Variants in SLC39A14 observed in about 807,000 individuals in gnomAD.
SLC39A14 encodes the protein metal cation symporter ZIP14.
SLC39A14 carries 19 observed loss-of-function variants against 45.5 expected under a neutral mutation model. That is an observed-to-expected ratio of 0.42 (90% CI 0.29 to 0.61). The LOEUF (loss-of-function observed/expected upper bound fraction) is 0.61, where lower values mean the gene tolerates loss of function less well. Among genes scored for constraint, SLC39A14 ranks in the 20% least tolerant of loss-of-function variants. SLC39A14 has a pLI of 0.22. For synonymous variants in SLC39A14, 264 were observed against 251.3 expected (o/e 1.05, Z -0.48); for missense variants, 447 against 616.5 (o/e 0.73, Z 2.91).
chr8:22,429,430 C>A (rs567152957), intron 8 of SLC39A14, among the ~76,000 whole-genome samples: 8 of 152,078 alleles, frequency 5.3e-5, no homozygotes, highest in Non-Finnish European at 1.2e-4. Context: ...TACTGCCTAC[C>A]TTATAAGGTA....
intron 1 of SLC39A14, among the ~76,000 whole-genome samples, chr8:22,399,110 C>G (rs1834692404): frequency 6.6e-6 from 1 of 152,164 alleles, no homozygotes; most frequent in Admixed American, 6.5e-5. Flanking sequence ...GAAAGGTGTC[C>G]ATCCTTACTT....
intron 1 of SLC39A14, among the ~76,000 whole-genome samples, chr8:22,383,229 TG>T (rs1833611399): frequency 6.6e-6 from 1 of 152,182 alleles, no homozygotes; most frequent in African/African-American, 2.4e-5. Context: ...CAGCCAATTT[TG>T]TCCCTGCATC....
rs1046443409 is a variant in SLC39A14, at chr8:22,397,276, T to A, written c.-15-7420T>A. On this transcript the variant is annotated intron_variant, in intron 1 of 8. Transcript: ENST00000381237. ...AAGAGAAGTAGCCCTTGATTTTTTT[T>A]ATTCCTTAAGACCTCCTCCTGGCCG... 2.6e-5 allele frequency among the ~76,000 whole-genome samples: 4 copies of A among 152,254 alleles called. 1 individual carries two copies. In the South Asian group the frequency reaches 8.3e-4, roughly 32 times the overall value.
intron 8 of SLC39A14, among the ~76,000 whole-genome samples, chr8:22,431,338 T>C (rs1016232249): frequency 9.2e-5 from 14 of 152,256 alleles, no homozygotes; most frequent in African/African-American, 2.7e-4. Context: ...AATATACCTT[T>C]TGTTTTGTGT....
intron 1 of SLC39A14, among the ~76,000 whole-genome samples, chr8:22,368,847 C>G (rs1269934032): frequency 6.6e-6 from 1 of 152,110 alleles, no homozygotes; most frequent in East Asian, 1.9e-4. Context: ...ATCCTTACCT[C>G]TTAAAACCTA....
chr8:22,384,487 C>A (rs898836508), intron 1 of SLC39A14, among the ~76,000 whole-genome samples: 1 of 151,404 alleles, frequency 6.6e-6, no homozygotes, highest in Non-Finnish European at 1.5e-5. Flanking sequence ...GTGGCTGACA[C>A]CTGTAATCCC....
Position 22,371,913 on chromosome 8 carries a change from T to C in SLC39A14, c.-16+4505T>C, listed in dbSNP as rs565865212. 1.8e-4 allele frequency among the ~76,000 whole-genome samples: 27 copies of C among 151,342 alleles called. No individual in the cohort carries two copies. In the East Asian group the frequency reaches 3.9e-3, roughly 22 times the overall value. ...GCGCCCGCCACCACGCCTGGCTAAT[T>C]TTTGTATTTTTAGTAGAGACGAGGT... is the stretch of plus-strand genomic sequence containing the variant. On this transcript the variant is annotated intron_variant, in intron 1 of 8. Transcript: ENST00000381237.
rs184192516 is a variant in SLC39A14, at chr8:22,403,201, C to A, written c.-15-1495C>A. Reference sequence around the variant, plus strand: ...CTGTGTTAGCCAGGATGGTCTCGATCTCCTGACCTCGTGACCTGCCTGCCT... The same window carrying A: ...CTGTGTTAGCCAGGATGGTCTCGATATCCTGACCTCGTGACCTGCCTGCCT... On this transcript the variant is annotated intron_variant, in intron 1 of 8. Coordinates refer to ENST00000381237, the MANE Select transcript of SLC39A14 (RefSeq NM_001128431.4). Among the ~76,000 whole-genome samples the A allele has an allele frequency of 5.4e-4, 82 of 152,276 alleles. 1 individual carries two copies. The East Asian group carries it at 0.015, about 28-fold the overall frequency.
chr8:22,414,259 T>C (rs181853676), intron 4 of SLC39A14, among the ~76,000 whole-genome samples: 1 of 152,306 alleles, frequency 6.6e-6, no homozygotes, highest in East Asian at 1.9e-4. Context: ...ACTTTCTTGG[T>C]TCTGTGGTCA....
At chr8:22,412,796 T>C (rs149273586) in intron 4 of SLC39A14, among the ~76,000 whole-genome samples, 44 of 152,124 alleles carry the variant, frequency 2.9e-4, no homozygotes, top group African/African-American at 1.0e-3. Context: ...ACACAAAAAT[T>C]AGCCAGACGT....
At chr8:22,370,644 G>T (rs7842873) in intron 1 of SLC39A14, among the ~76,000 whole-genome samples, 2,359 of 152,304 alleles carry the variant, frequency 0.015, 50 homozygotes, top group African/African-American at 0.053. Flanking sequence ...TCCTAAATGT[G>T]ATTATGAAAT....
In SLC39A14 at chr8:22,420,360, A is replaced by G. The variant is rs1836154605; in HGVS notation, c.*662A>G. The G allele has an allele frequency of 1.0e-6, 1 of 985,414 alleles. No homozygotes were observed. Among genetic ancestry groups the G allele is most frequent in the Non-Finnish European group, 1.2e-6 (1 of 829,936 alleles). The allele number at this position is 985,414 out of a possible 1,614,324, so 61.0% of individuals were successfully genotyped here. A position where few individuals can be genotyped will look rare whatever the true frequency, so the allele number is the denominator to read the frequency against. The stretch of plus-strand genomic sequence containing the variant: ...ACTTGTTCCTACTGAGATGCTGGAT[A>G]TTGATTTTGTAACAGCACCTGGTGT... On this transcript the variant is annotated 3_prime_UTR_variant, in exon 9 of 9. Transcript: ENST00000381237.
downstream of SLC39A14, chr8:22,422,737 C>T: frequency 1.0e-6 from 1 of 984,490 alleles, no homozygotes; most frequent in Non-Finnish European, 1.2e-6. Flanking sequence ...GGCTGTTGAA[C>T]ACAAGGTGGC....
intron 1 of SLC39A14, among the ~76,000 whole-genome samples, chr8:22,377,512 C>CACCT (rs1833280620): frequency 6.6e-6 from 1 of 152,136 alleles, no homozygotes; most frequent in African/African-American, 2.4e-5. Context: ...GATAATTCAG[C>CACCT]ACCTATCTGT....
chr8:22,422,140 G>A lies in SLC39A14; in HGVS notation c.*2442G>A. 1 of 985,460 alleles carries A rather than the reference G, an allele frequency of 1.0e-6. No individual in the cohort carries two copies. The allele number at this position is 985,460 out of a possible 1,614,324, so 61.0% of individuals were successfully genotyped here. On this transcript the variant is annotated 3_prime_UTR_variant, in exon 9 of 9. Coordinates refer to ENST00000381237, the MANE Select transcript of SLC39A14 (RefSeq NM_001128431.4). ...ATATTAGAAGTCTAAGGAGTAGCAA[G>A]TCAGTGGGAGGACTTTTTCACCCCT... is the stretch of plus-strand genomic sequence containing the variant.
At position 22,420,427 on chromosome 8, in the gene SLC39A14, C is replaced by G. The variant is rs1836161105; in HGVS notation, c.*729C>G. On this transcript the variant is annotated 3_prime_UTR_variant, in exon 9 of 9. Transcript: ENST00000381237. The stretch of plus-strand genomic sequence containing the variant: ...TGAGCTAACGTGGCGGTGTGGCTGC[C>G]TGGACCTCCTCTTTCAGGTTAACGC... 2.0e-6 allele frequency: 2 copies of G among 985,438 alleles called. No homozygotes were observed. Among genetic ancestry groups the G allele is most frequent in the Non-Finnish European group, 2.4e-6 (2 of 829,962 alleles). 61.0% of individuals were successfully genotyped at this position (985,438 alleles called of 1,614,324 possible).
Position 22,420,819 on chromosome 8 carries a change from C to T in SLC39A14, c.*1121C>T, listed in dbSNP as rs1256111849. ...GGCACAAACTTCACTTAGGGCATCG[C>T]AGATGTTTGCAGAATGGTTGGCCTA... On this transcript the variant is annotated 3_prime_UTR_variant, in exon 9 of 9. Coordinates refer to ENST00000381237, the MANE Select transcript of SLC39A14 (RefSeq NM_001128431.4). 2.0e-6 allele frequency: 2 copies of T among 985,278 alleles called. No homozygotes were observed. The highest frequency in any genetic ancestry group is 2.4e-6 in the Non-Finnish European group (2 of 829,916). The allele number at this position is 985,278 out of a possible 1,614,324, so 61.0% of individuals were successfully genotyped here.
chr8:22,421,174 G>A lies in SLC39A14; in HGVS notation c.*1476G>A, dbSNP rs898463189. On this transcript the variant is annotated 3_prime_UTR_variant, in exon 9 of 9. Transcript: ENST00000381237. ...GTGGTGCCCACAGTTGGAGCCCAGG[G>A]GCCATGTTTGCAAACTGATTCATGT... 2 of 985,622 alleles carry A rather than the reference G, an allele frequency of 2.0e-6. No individual in the cohort carries two copies. The highest frequency in any genetic ancestry group is 1.7e-5 in the African/African-American group (1 of 57,186). 61.1% of individuals were successfully genotyped at this position (985,622 alleles called of 1,614,324 possible).
chr8:22,384,907 T>C (rs1833708703), intron 1 of SLC39A14, among the ~76,000 whole-genome samples: 1 of 151,380 alleles, frequency 6.6e-6, no homozygotes, highest in Non-Finnish European at 1.5e-5. Flanking sequence ...AAAATTAGCC[T>C]GGCATGGTAG....
Sources: allele counts gnomAD v4.1 joint callset (sites outside exome capture counted in the v4.1 genomes callset), GRCh38; gene constraint gnomAD v4.1.1; transcripts MANE v1.5; gene names NCBI Gene and HGNC (gene_info 2026-07-23, HGNC 2026-07-21).